OXNAD1: variants seen among roughly 807,000 people sequenced by gnomAD.
OXNAD1 encodes the protein oxidoreductase NAD-binding domain-containing protein 1.
Under a neutral mutation model 32.9 loss-of-function variants are expected in OXNAD1, and 34 were observed. The observed-to-expected ratio is 1.03, with a 90% CI of 0.79 to 1.38. The LOEUF (loss-of-function observed/expected upper bound fraction) is 1.38. Among genes scored for constraint, OXNAD1 ranks in the 40% most tolerant of loss-of-function variants. OXNAD1 has a pLI of 0.00. For synonymous variants in OXNAD1, 134 were observed against 135.2 expected, an observed-to-expected ratio of 0.99 and a Z score of 0.06; for missense variants, 407 against 379.4, an observed-to-expected ratio of 1.07 and a Z score of -0.60.
rs1050040295 is a variant in OXNAD1 at position 16,329,955 on chromosome 3, C to T, written c.*31-7157C>T. 2.6e-5 allele frequency among the ~76,000 whole-genome samples: 4 copies of T among 152,180 alleles called. No individual in the cohort carries two copies. The highest frequency in any genetic ancestry group is 1.9e-4 in the East Asian group (1 of 5,198). On this transcript the variant is annotated intron_variant, in intron 9 of 9. Transcript: ENST00000435829. The surrounding 1 kb of genome is among the most constrained non-coding windows in gnomAD (Gnocchi z 4.5). Reference sequence around the variant, plus strand: ...GAACGACCCCTGCTGCAGCCCGACCCGCCTGCTTAGACAGACTGCAAACCG... The same window carrying T: ...GAACGACCCCTGCTGCAGCCCGACCTGCCTGCTTAGACAGACTGCAAACCG...
Position 16,277,254 on chromosome 3 carries a change from T to C in OXNAD1, c.183+5532T>C, listed in dbSNP as rs1055143152. Among the ~76,000 whole-genome samples the C allele has an allele frequency of 6.6e-6, 1 of 152,114 alleles. No individual in the cohort carries two copies. The highest frequency in any genetic ancestry group is 2.4e-5 in the African/African-American group (1 of 41,424). On this transcript the variant is annotated intron_variant, in intron 4 of 8. Coordinates refer to ENST00000285083, the MANE Select transcript of OXNAD1 (RefSeq NM_138381.5). This position sits in a 1 kb window ranked among gnomAD's most constrained non-coding sequence, Gnocchi z 4.3. ...CCTCTTCTGTTTCTAATTTCCCCTC[T>C]TCTCCCATACAGAATGAGAACTGCG... is the stretch of plus-strand genomic sequence containing the variant.
rs2064966339 is a variant in OXNAD1 at position 16,271,855 on chromosome 3, T to G, written c.183+133T>G. 2.5e-6 allele frequency: 2 copies of G among 785,492 alleles called. No individual in the cohort carries two copies. Among genetic ancestry groups the G allele is most frequent in the Non-Finnish European group, 4.0e-6 (2 of 499,670 alleles). 48.7% of individuals were successfully genotyped at this position (785,492 alleles called of 1,614,324 possible). A position where few individuals can be genotyped will look rare whatever the true frequency, so the allele number is the denominator to read the frequency against. The stretch of plus-strand genomic sequence containing the variant: ...GTTGGGAAGTTTGTTATTTTTCTAT[T>G]TAGAAATTTTCTGAGCAGGACATTT... On this transcript the variant is annotated intron_variant, in intron 4 of 8. Transcript: ENST00000285083. This position sits in a 1 kb window ranked among gnomAD's most constrained non-coding sequence, Gnocchi z 4.6.
At position 16,280,743 on chromosome 3, in the gene OXNAD1, G is replaced by A. The variant is rs1226371151; in HGVS notation, c.184-5599G>A. ...TTCCTGTACAGAGACTTTTGCACCA[G>A]CGGTAACATCAAAATATCCTACATA... On this transcript the variant is annotated intron_variant, in intron 4 of 8. Transcript: ENST00000285083. The surrounding 1 kb of genome is among the most constrained non-coding windows in gnomAD (Gnocchi z 4.5). 1.3e-5 allele frequency among the ~76,000 whole-genome samples: 2 copies of A among 152,138 alleles called. No individual in the cohort carries two copies. Among genetic ancestry groups the A allele is most frequent in the Non-Finnish European group, 2.9e-5 (2 of 68,034 alleles).
intron 9 of OXNAD1, among the ~76,000 whole-genome samples, chr3:16,343,409 GAT>G (rs1458204580): frequency 6.6e-6 from 1 of 152,184 alleles, no homozygotes; most frequent in Non-Finnish European, 1.5e-5. Flanking sequence ...GCCCTTCAAA[GAT>G]ATGAGGAAGC....
rs2067349364 is a variant in OXNAD1, at chr3:16,303,734, A to G, written c.*172A>G. ...GCCAGCTGGCAGACTTAAATGATAA[A>G]CTTTTTGCAAAGACCTCAGTGATCA... On this transcript the variant is annotated 3_prime_UTR_variant, in exon 9 of 9. Transcript: ENST00000285083. The surrounding 1 kb of genome is among the most constrained non-coding windows in gnomAD (Gnocchi z 4.8). 2 of 656,788 alleles carry G rather than the reference A, an allele frequency of 3.0e-6. No homozygotes were observed. The highest frequency in any genetic ancestry group is 4.7e-6 in the Non-Finnish European group (2 of 422,396). 40.7% of individuals were successfully genotyped at this position (656,788 alleles called of 1,614,324 possible). A position where few individuals can be genotyped will look rare whatever the true frequency, so the allele number is the denominator to read the frequency against.
rs1212724040 is a variant in OXNAD1 at position 16,317,764 on chromosome 3, A to G, written c.*30+14172A>G. The stretch of plus-strand genomic sequence containing the variant: ...CACAGGACTGGCGGGCCCGCTCCCC[A>G]GCTAGGCCGATAGCCCTTTGCTGAC... On this transcript the variant is annotated intron_variant, in intron 9 of 9. Transcript: ENST00000435829. The surrounding 1 kb of genome is among the most constrained non-coding windows in gnomAD (Gnocchi z 4.3). 5.0e-5 allele frequency among the ~76,000 whole-genome samples: 7 copies of G among 139,192 alleles called. No individual in the cohort carries two copies. The highest frequency in any genetic ancestry group is 7.5e-5 in the Non-Finnish European group (5 of 66,442). The allele number at this position is 139,192 out of a possible 152,430, so 91.3% of individuals were successfully genotyped here.
Position 16,336,851 on chromosome 3 carries a change from G to A in OXNAD1, c.*31-261G>A, listed in dbSNP as rs2070900717. On this transcript the variant is annotated intron_variant, in intron 9 of 9. Coordinates refer to the OXNAD1 transcript ENST00000435829. This position sits in a 1 kb window ranked among gnomAD's most constrained non-coding sequence, Gnocchi z 6.0. ...CTCAGTAGCCTTTTAGGAGCTCAAC[G>A]AAATAAAAAATAATAATTGTTATTA... 6.6e-6 allele frequency among the ~76,000 whole-genome samples: 1 copy of A among 152,038 alleles called. No individual in the cohort carries two copies. Among genetic ancestry groups the A allele is most frequent in the Non-Finnish European group, 1.5e-5 (1 of 67,992 alleles).
chr3:16,338,301 C>A (rs138379639), downstream of OXNAD1, among the ~76,000 whole-genome samples: 1 of 152,204 alleles, frequency 6.6e-6, no homozygotes, highest in South Asian at 2.1e-4. This position sits in a 1 kb window ranked among gnomAD's most constrained non-coding sequence, Gnocchi z 5.3. Flanking sequence ...ACGCAAGGCT[C>A]CTGATCACAG....
At chr3:16,326,787 G>T in intron 9 of OXNAD1, 1 of 1,613,812 alleles carries the variant, frequency 6.2e-7, no homozygotes. Flanking sequence ...TAGTCTTGAC[G>T]ACGGGAGTTG....
intron 4 of OXNAD1, among the ~76,000 whole-genome samples, chr3:16,274,433 G>A (rs73140420): frequency 0.041 from 6,215 of 152,204 alleles, 390 homozygotes; most frequent in African/African-American, 0.14. Context: ...TATAAAAGGT[G>A]TATTTTCCTT....
intron 6 of OXNAD1, among the ~76,000 whole-genome samples, chr3:16,295,974 A>T (rs1575128460): frequency 6.6e-6 from 1 of 152,308 alleles, no homozygotes; most frequent in Middle Eastern, 3.4e-3. Flanking sequence ...TAGAGGAGAG[A>T]GGCCGAGTAG....
Position 16,319,256 on chromosome 3 carries a change from G to T in OXNAD1, c.*30+15664G>T, listed in dbSNP as rs377595763. ...AGTATAGTACTCCGAGAGGCAGTTG[G>T]CTCTCAGGGAAGTCAGAGGAAGTTT... On this transcript the variant is annotated intron_variant, in intron 9 of 9. Coordinates refer to the OXNAD1 transcript ENST00000435829. Among the ~76,000 whole-genome samples, 28 of 152,294 alleles carry T rather than the reference G, an allele frequency of 1.8e-4. 2 individuals carry two copies. Among genetic ancestry groups the T allele is most frequent in the African/African-American group, 3.4e-4 (14 of 41,554 alleles).
Position 16,329,162 on chromosome 3 carries a change from T to C in OXNAD1, c.*31-7950T>C, listed in dbSNP as rs1397974607. Among the ~76,000 whole-genome samples the C allele has an allele frequency of 6.6e-6, 1 of 152,188 alleles. No individual in the cohort carries two copies. Among genetic ancestry groups the C allele is most frequent in the African/African-American group, 2.4e-5 (1 of 41,464 alleles). Reference sequence around the variant, plus strand: ...TTCAGTCTCCTGCTCTCTCCCCTCTTTTCTGCGCTTCCGCCTCGGGATGAC... The same window carrying C: ...TTCAGTCTCCTGCTCTCTCCCCTCTCTTCTGCGCTTCCGCCTCGGGATGAC... On this transcript the variant is annotated intron_variant, in intron 9 of 9. Coordinates refer to the OXNAD1 transcript ENST00000435829. The surrounding 1 kb of genome is among the most constrained non-coding windows in gnomAD (Gnocchi z 4.5).
chr3:16,310,659 G>T (rs1173782299), downstream of OXNAD1, among the ~76,000 whole-genome samples: 2 of 152,108 alleles, frequency 1.3e-5, no homozygotes, highest in Non-Finnish European at 2.9e-5. Context: ...CCAATTCCTG[G>T]CTCAGGGCTT....
At chr3:16,300,226 C>T (rs1364239588) in intron 6 of OXNAD1, among the ~76,000 whole-genome samples, 1 of 151,984 alleles carries the variant, frequency 6.6e-6, no homozygotes, top group African/African-American at 2.4e-5. Context: ...TAACATAATT[C>T]TCTAACTAAT....
chr3:16,307,563 A>G (rs1459778901), downstream of OXNAD1, among the ~76,000 whole-genome samples: 2 of 151,516 alleles, frequency 1.3e-5, no homozygotes, highest in African/African-American at 4.9e-5. Flanking sequence ...GTGGGAGTGA[A>G]AACAGTGAAA....
chr3:16,302,701 C>T lies in OXNAD1; in HGVS notation c.737C>T (p.Thr246Ile), dbSNP rs747040523. 2 of 1,613,538 alleles carry T rather than the reference C, an allele frequency of 1.2e-6. No individual in the cohort carries two copies. The highest frequency in any genetic ancestry group is 8.5e-7 in the Non-Finnish European group (1 of 1,179,680). The change falls in exon 8 of 9, where the codon ACA (threonine) becomes ATA (isoleucine). Residue 246 changes from threonine (T) to isoleucine (I), a missense_variant. Physicochemically the swap from Thr to Ile is moderately conservative, Grantham distance 89. Transcript: ENST00000285083. The surrounding 1 kb of genome is among the most constrained non-coding windows in gnomAD (Gnocchi z 4.2). ...AAGATTGCATGCAGTTTGCATGTTA[C>T]AAAACAGACTACACAAATCAATGCG... ...PEKIACSLHV[T>I]KQTTQINAEL...
intron 9 of OXNAD1, among the ~76,000 whole-genome samples, chr3:16,331,672 C>CAG (rs2125247041): frequency 6.6e-6 from 1 of 152,316 alleles, no homozygotes; most frequent in South Asian, 2.1e-4. Flanking sequence ...CCACTGGAGA[C>CAG]ATCATTTCTG....
intron 4 of OXNAD1, 34 bp from the exon 5 acceptor site, chr3:16,286,308 C>T (rs1402409330): frequency 6.5e-7 from 1 of 1,537,474 alleles, no homozygotes; most frequent in Admixed American, 1.7e-5. Flanking sequence ...TGTGTACGCA[C>T]TAACCTCAGC....
Sources: allele counts gnomAD v4.1 joint callset (sites outside exome capture counted in the v4.1 genomes callset), GRCh38; gene constraint gnomAD v4.1.1; non-coding constraint Gnocchi (gnomAD v3.1); transcripts MANE v1.5; gene names NCBI Gene and HGNC (gene_info 2026-07-23, HGNC 2026-07-21).